CDK8: variants seen among roughly 807,000 people sequenced by gnomAD.
CDK8 encodes the protein cyclin-dependent kinase 8.
Under a neutral mutation model 71.5 loss-of-function variants are expected in CDK8, and 29 were observed. The observed-to-expected ratio is 0.41, with a 90% CI of 0.30 to 0.55. CDK8 has a LOEUF of 0.55. Among genes scored for constraint, CDK8 ranks in the 20% least tolerant of loss-of-function variants. CDK8 has a pLI of 0.37. For missense variants in CDK8, 288 were observed against 572.6 expected (o/e 0.50, Z 5.07); for synonymous variants, 161 against 192.1 (o/e 0.84, Z 1.34).
intron 6 of CDK8, among the ~76,000 whole-genome samples, chr13:26,391,696 C>T (rs1357029243): frequency 6.6e-6 from 1 of 152,164 alleles, no homozygotes; most frequent in Non-Finnish European, 1.5e-5. Flanking sequence ...CTTTCGATGA[C>T]AAAAACAAAA....
chr13:26,354,809 G>T (rs562018741), intron 4 of CDK8, among the ~76,000 whole-genome samples: 2 of 152,140 alleles, frequency 1.3e-5, no homozygotes, highest in East Asian at 3.9e-4. Flanking sequence ...GGGGACTGCT[G>T]GTCTAGCATA....
chr13:26,260,986 C>A (rs2137852932), intron 1 of CDK8, among the ~76,000 whole-genome samples: 1 of 152,290 alleles, frequency 6.6e-6, no homozygotes, highest in African/African-American at 2.4e-5. Context: ...TCCTTTCCTC[C>A]TTCAGAACAC....
At chr13:26,297,054 A>G (rs938311208) in intron 1 of CDK8, among the ~76,000 whole-genome samples, 3 of 152,334 alleles carry the variant, frequency 2.0e-5, no homozygotes, top group Non-Finnish European at 2.9e-5. Flanking sequence ...CCTCTGAATG[A>G]CACAATAGAT....
At chr13:26,386,989 C>G (rs1415668778) in intron 6 of CDK8, among the ~76,000 whole-genome samples, 3 of 151,968 alleles carry the variant, frequency 2.0e-5, no homozygotes, top group African/African-American at 7.2e-5. Flanking sequence ...CTTTGATTTC[C>G]TCCTCAATGT....
chr13:26,336,744 C>T (rs1000506344), intron 1 of CDK8, among the ~76,000 whole-genome samples: 1 of 151,888 alleles, frequency 6.6e-6, no homozygotes, highest in Non-Finnish European at 1.5e-5. Flanking sequence ...TTAGTAGAGA[C>T]AGGGTTTCGC....
chr13:26,378,480 A>G (rs1361141590), intron 4 of CDK8, among the ~76,000 whole-genome samples: 3 of 152,224 alleles, frequency 2.0e-5, no homozygotes, highest in African/African-American at 4.8e-5. Context: ...ACAATTAGAT[A>G]AGGGAACCCA....
chr13:26,396,038 A>T lies in CDK8; in HGVS notation c.791-247A>T, dbSNP rs34887275. ...AGTGACAGAAATTGAGGCAGCTTATAGTAAAACATACAGAAAGTTTGCAGT... is the reference window on the plus strand; with the variant it reads ...AGTGACAGAAATTGAGGCAGCTTATTGTAAAACATACAGAAAGTTTGCAGT... On this transcript the variant is annotated intron_variant, in intron 7 of 12. Transcript: ENST00000381527. Among the ~76,000 whole-genome samples, 1,091 of 152,322 alleles carry T rather than the reference A, an allele frequency of 7.2e-3. 8 individuals carry two copies. The highest frequency in any genetic ancestry group is 0.014 in the South Asian group (67 of 4,806).
At chr13:26,263,851 A>G (rs1350272735) in intron 1 of CDK8, among the ~76,000 whole-genome samples, 1 of 148,658 alleles carries the variant, frequency 6.7e-6, no homozygotes, top group African/African-American at 2.5e-5. Flanking sequence ...GGTTCACGCC[A>G]TTCTCCTGCC....
chr13:26,339,290 G>A (rs1286943087), intron 2 of CDK8, among the ~76,000 whole-genome samples: 1 of 151,782 alleles, frequency 6.6e-6, no homozygotes, highest in Non-Finnish European at 1.5e-5. Context: ...ATTTTTGTTT[G>A]TGGTATGATA....
intron 4 of CDK8, among the ~76,000 whole-genome samples, chr13:26,378,550 G>A (rs1314770597): frequency 6.6e-6 from 1 of 152,156 alleles, no homozygotes; most frequent in African/African-American, 2.4e-5. Context: ...AATCAAGGAT[G>A]ATCTATCATT....
At position 26,401,726 on chromosome 13, in the gene CDK8, A is replaced by G; in HGVS notation, c.1269+102A>G. 2 of 1,167,544 alleles carry G rather than the reference A, an allele frequency of 1.7e-6. No homozygotes were observed. The highest frequency in any genetic ancestry group is 4.7e-5 in the East Asian group (2 of 42,556). The allele number at this position is 1,167,544 out of a possible 1,614,324, so 72.3% of individuals were successfully genotyped here. On this transcript the variant is annotated intron_variant, in intron 12 of 12. Transcript: ENST00000381527. This position sits in a 1 kb window ranked among gnomAD's most constrained non-coding sequence, Gnocchi z 4.5. The stretch of plus-strand genomic sequence containing the variant: ...AATTGAGAAATACTGACGTCTGTAT[A>G]CCCAGGGAAATACATTAACATGAAA...
At chr13:26,338,701 A>G (rs1450926396) in intron 2 of CDK8, among the ~76,000 whole-genome samples, 2 of 152,118 alleles carry the variant, frequency 1.3e-5, no homozygotes, top group African/African-American at 4.8e-5. Context: ...TCTTGAGACC[A>G]GGTGTCTGTA....
intron 1 of CDK8, among the ~76,000 whole-genome samples, chr13:26,256,945 T>G (rs1871551877): frequency 6.6e-6 from 1 of 152,200 alleles, no homozygotes; most frequent in Admixed American, 6.5e-5. Context: ...TTTTTTCGGT[T>G]TGACTTCTCT....
chr13:26,305,231 A>G (rs1017213330), intron 1 of CDK8, among the ~76,000 whole-genome samples: 9 of 152,228 alleles, frequency 5.9e-5, no homozygotes, highest in African/African-American at 1.9e-4. Flanking sequence ...TTCTCTTGGT[A>G]TAGAATTCTA....
intron 1 of CDK8, among the ~76,000 whole-genome samples, chr13:26,315,399 A>G (rs961609172): frequency 6.6e-6 from 1 of 152,176 alleles, no homozygotes; most frequent in East Asian, 1.9e-4. Flanking sequence ...ATGAGCACTG[A>G]CAAGAGCAGG....
intron 3 of CDK8, among the ~76,000 whole-genome samples, chr13:26,351,548 ATAGAAGATAG>A (rs1873680450): frequency 6.6e-6 from 1 of 152,200 alleles, no homozygotes; most frequent in African/African-American, 2.4e-5. Flanking sequence ...ACAGTAGAGC[ATAGAAGATAG>A]TATAATATTT....
chr13:26,384,271 A>G (rs1018704079), intron 5 of CDK8, among the ~76,000 whole-genome samples: 1 of 151,952 alleles, frequency 6.6e-6, no homozygotes. Context: ...TTTGTAATTA[A>G]GGTGATTATA....
At chr13:26,294,132 C>CTTTTTT (rs35555772) in intron 1 of CDK8, among the ~76,000 whole-genome samples, 2 of 147,132 alleles carry the variant, frequency 1.4e-5, no homozygotes, top group Non-Finnish European at 3.0e-5. Flanking sequence ...TATTCTGCAC[C>CTTTTTT]TTTTTTTTTT....
intron 7 of CDK8, among the ~76,000 whole-genome samples, chr13:26,395,050 G>A (rs1341512204): frequency 6.6e-6 from 1 of 152,164 alleles, no homozygotes. Flanking sequence ...CACAGAAATT[G>A]GAGCAAGGAA....
Sources: gnomAD v4.1 joint callset for allele counts (sites outside exome capture counted in the v4.1 genomes callset) on GRCh38, gnomAD v4.1.1 for gene constraint, Gnocchi (gnomAD v3.1) non-coding constraint, MANE v1.5 for transcripts, NCBI Gene and HGNC (gene_info 2026-07-23, HGNC 2026-07-21) for gene names.